Variants in GRID2 observed in about 807,000 individuals in gnomAD.
GRID2 encodes the protein glutamate ionotropic receptor delta type subunit 2.
Under a neutral mutation model 114.8 loss-of-function variants are expected in GRID2, and 33 were observed. The observed-to-expected ratio is 0.29, with a 90% confidence interval of 0.22 to 0.38. The LOEUF (loss-of-function observed/expected upper bound fraction) is 0.38, where lower values mean the gene tolerates loss of function less well. Ranked by LOEUF, GRID2 falls within the 10% of genes least tolerant of loss-of-function variation. GRID2 has a pLI of 1.00. For synonymous variants in GRID2, 505 were observed against 449.9 expected (o/e 1.12, Z -1.55); for missense variants, 1,184 against 1,257.7 (o/e 0.94, Z 0.89).
intron 4 of GRID2, among the ~76,000 whole-genome samples, chr4:93,144,593 C>T (rs1485109755): frequency 1.3e-5 from 2 of 152,090 alleles, no homozygotes; most frequent in Non-Finnish European, 2.9e-5. Context: ...GGAATTAGCC[C>T]TTGAAATCTA....
chr4:92,631,444 CT>C (rs1267173543), intron 2 of GRID2, among the ~76,000 whole-genome samples: 1 of 152,002 alleles, frequency 6.6e-6, no homozygotes, highest in Non-Finnish European at 1.5e-5. Flanking sequence ...AAATTTAAAT[CT>C]TTTTAAAATT....
At chr4:93,561,206 C>T (rs1217546187) in intron 13 of GRID2, among the ~76,000 whole-genome samples, 1 of 152,000 alleles carries the variant, frequency 6.6e-6, no homozygotes, top group Admixed American at 6.6e-5. Flanking sequence ...CATGCTAGCT[C>T]ATTATATTGC....
chr4:93,196,326 C>T (rs899116273), intron 4 of GRID2, among the ~76,000 whole-genome samples: 1 of 152,146 alleles, frequency 6.6e-6, no homozygotes, highest in African/African-American at 2.4e-5. Context: ...TTGAGAATGA[C>T]AAAACACAAG....
intron 8 of GRID2, among the ~76,000 whole-genome samples, chr4:93,369,066 A>G (rs568376580): frequency 6.6e-6 from 1 of 152,202 alleles, no homozygotes; most frequent in Non-Finnish European, 1.5e-5. Flanking sequence ...GGCTTAAAAC[A>G]ACGGAAATTT....
chr4:93,285,818 TA>T (rs1241002265), intron 8 of GRID2, among the ~76,000 whole-genome samples: 6 of 152,076 alleles, frequency 3.9e-5, no homozygotes, highest in East Asian at 1.9e-4. Flanking sequence ...TATACTGCTA[TA>T]GGGGTAAGAT....
chr4:93,559,870 A>G (rs982127758), intron 13 of GRID2, among the ~76,000 whole-genome samples: 6 of 152,220 alleles, frequency 3.9e-5, no homozygotes, highest in African/African-American at 1.4e-4. Flanking sequence ...AAAATGTGGC[A>G]CATATGCACC....
intron 2 of GRID2, among the ~76,000 whole-genome samples, chr4:92,749,895 C>T (rs938160533): frequency 4.0e-5 from 6 of 151,658 alleles, no homozygotes; most frequent in African/African-American, 1.5e-4. Flanking sequence ...CAATTTCGCT[C>T]TTGTTGCCCA....
chr4:93,630,679 A>G (rs948848960), intron 14 of GRID2, among the ~76,000 whole-genome samples: 6 of 152,228 alleles, frequency 3.9e-5, no homozygotes, highest in Admixed American at 3.9e-4. Flanking sequence ...ATAGTGACAC[A>G]TATATAAACA....
At chr4:93,371,357 T>C (rs1762896216) in intron 8 of GRID2, among the ~76,000 whole-genome samples, 1 of 152,146 alleles carries the variant, frequency 6.6e-6, no homozygotes, top group Non-Finnish European at 1.5e-5. Flanking sequence ...TGTTCTGTTA[T>C]TCCTTTTTTT....
chr4:92,530,543 C>T (rs1725292292), intron 1 of GRID2, among the ~76,000 whole-genome samples: 1 of 146,864 alleles, frequency 6.8e-6, no homozygotes, highest in South Asian at 2.2e-4. Flanking sequence ...TTCCGAGACA[C>T]GAGAATCAAA....
At chr4:93,252,933 T>C (rs1417476925) in intron 8 of GRID2, among the ~76,000 whole-genome samples, 1 of 152,070 alleles carries the variant, frequency 6.6e-6, no homozygotes, top group Non-Finnish European at 1.5e-5. Context: ...AGAAACTTTA[T>C]AGTGTGGCAA....
chr4:93,512,948 G>A (rs995578816), intron 12 of GRID2, among the ~76,000 whole-genome samples: 8 of 152,072 alleles, frequency 5.3e-5, no homozygotes, highest in African/African-American at 1.9e-4. Context: ...GCAGCATTTA[G>A]CCAGGGTGAC....
chr4:93,381,252 G>T (rs955855592), intron 8 of GRID2, among the ~76,000 whole-genome samples: 2 of 151,872 alleles, frequency 1.3e-5, no homozygotes, highest in East Asian at 3.9e-4. Context: ...TGTCCAGCCC[G>T]TGGCAACTGC....
chr4:92,485,345 TATA>T (rs1166160920), intron 1 of GRID2, among the ~76,000 whole-genome samples: 411 of 56,352 alleles, frequency 7.3e-3, no homozygotes, highest in Non-Finnish European at 0.011. Flanking sequence ...TATATATATA[TATA>T]GTGTGTGTGT....
chr4:92,711,737 T>G (rs1735264611), intron 2 of GRID2, among the ~76,000 whole-genome samples: 1 of 151,942 alleles, frequency 6.6e-6, no homozygotes, highest in Non-Finnish European at 1.5e-5. Context: ...ACTCTGTCTT[T>G]ACAAAAAATA....
At chr4:92,506,870 T>A (rs565523569) in intron 1 of GRID2, among the ~76,000 whole-genome samples, 1 of 152,052 alleles carries the variant, frequency 6.6e-6, no homozygotes, top group East Asian at 1.9e-4. Flanking sequence ...CATCAGTTTC[T>A]GAAAAAAATC....
chr4:93,799,030 C>G (rs1734865531), intron 1 of GRID2, among the ~76,000 whole-genome samples: 1 of 152,190 alleles, frequency 6.6e-6, no homozygotes, highest in Admixed American at 6.5e-5. Flanking sequence ...CCGATCTCAG[C>G]TCTTCCACTG....
Position 92,323,074 on chromosome 4 carries a change from C to G in GRID2, c.88+18330C>G, listed in dbSNP as rs74967687. On this transcript the variant is annotated intron_variant, in intron 1 of 15. Transcript: ENST00000282020. ...TCATACCCAACCTCAAATGCTTTTA[C>G]AAGTATTCTCACATGGAGTGTACTG... is the stretch of plus-strand genomic sequence containing the variant. 7.7e-3 allele frequency among the ~76,000 whole-genome samples: 1,175 copies of G among 152,098 alleles called. 18 individuals are homozygous for G. The highest frequency in any genetic ancestry group is 0.027 in the African/African-American group (1,116 of 41,518).
At chr4:92,801,891 G>T (rs945423087) in intron 2 of GRID2, among the ~76,000 whole-genome samples, 11 of 151,718 alleles carry the variant, frequency 7.3e-5, no homozygotes, top group African/African-American at 2.7e-4. Context: ...CTATTCCTCT[G>T]TCACACAGGT....
Sources: gnomAD v4.1 joint callset for allele counts (sites outside exome capture counted in the v4.1 genomes callset) on GRCh38, gnomAD v4.1.1 for gene constraint, MANE v1.5 for transcripts, NCBI Gene and HGNC (gene_info 2026-07-23, HGNC 2026-07-21) for gene names.